The following PRDM15 variants were observed in gnomAD, a reference collection of about 807,000 sequenced individuals.
The protein encoded by PRDM15 is PR domain zinc finger protein 15.
Under a neutral mutation model 128.6 loss-of-function variants are expected in PRDM15, and 64 were observed. The observed-to-expected ratio is 0.50, with a 90% CI of 0.41 to 0.61. The LOEUF is 0.61. Among genes scored for constraint, PRDM15 ranks in the 20% least tolerant of loss-of-function variants. The pLI is 0.00. For synonymous variants in PRDM15, 615 were observed against 621.8 expected (o/e 0.99, Z 0.16); for missense variants, 1,242 against 1,569.1 (o/e 0.79, Z 3.52).
intron 18 of PRDM15, 83 bp downstream of exon 18, chr21:41,819,499 G>T: frequency 1.6e-6 from 1 of 639,356 alleles, no homozygotes; most frequent in Non-Finnish European, 2.3e-6. Context: ...CACACTCCCA[G>T]TTCTCGCTCA....
rs751836847 is a variant in PRDM15 at position 41,801,321 on chromosome 21, C to T, written c.3345G>A (p.Ser1115=). 14 of 1,579,590 alleles carry T rather than the reference C, an allele frequency of 8.9e-6. No individual in the cohort carries two copies. Among genetic ancestry groups the T allele is most frequent in the African/African-American group, 1.3e-5 (1 of 74,208 alleles). The part of the protein sequence containing the change: ...AVPQTDVLPP[S]QPQAPPQQAA... Reference sequence around the variant, plus strand: ...CCTGCTGTGGGGGTGCCTGCGGCTGCGAGGGTGGCAAGACGTCAGTCTGGG... The same window carrying T: ...CCTGCTGTGGGGGTGCCTGCGGCTGTGAGGGTGGCAAGACGTCAGTCTGGG... Residue 1115 remains serine, a synonymous_variant, in exon 24 of 24, where the codon TCG becomes TCA. Coordinates refer to ENST00000398548, the MANE Select transcript of PRDM15 (RefSeq NM_001040424.3).
At chr21:41,829,957 C>T (rs1309452414) in intron 11 of PRDM15, among the ~76,000 whole-genome samples, 18 of 150,554 alleles carry the variant, frequency 1.2e-4, no homozygotes, top group African/African-American at 4.4e-4. Flanking sequence ...TACACAAATA[C>T]ACAGTCAACA....
rs2062289134 is a variant in PRDM15 at position 41,821,978 on chromosome 21, G to A, written c.1821C>T (p.Ser607=). The A allele has an allele frequency of 6.2e-7, 1 of 1,614,094 alleles. No homozygotes were observed. Among genetic ancestry groups the A allele is most frequent in the South Asian group, 1.1e-5 (1 of 91,092 alleles). The change falls in exon 15 of 24, where the codon TCC becomes TCT. Residue 607 remains serine (S), a synonymous_variant. Coordinates refer to ENST00000398548, the MANE Select transcript of PRDM15 (RefSeq NM_001040424.3). This position sits in a 1 kb window ranked among gnomAD's most constrained non-coding sequence, Gnocchi z 5.4. The part of the protein sequence containing the change: ...REEFIGKIGI[S]SEENDDNSDE... Reference sequence around the variant, plus strand: ...CAGAATTGTCATCGTTTTCTTCCGAGGAGATCCCGATCTTGCCGATAAACT... The same window carrying A: ...CAGAATTGTCATCGTTTTCTTCCGAAGAGATCCCGATCTTGCCGATAAACT...
intron 5 of PRDM15, 45 bp from the exon 6 acceptor site, chr21:41,847,236 C>T (rs1333721757): frequency 7.5e-7 from 1 of 1,332,126 alleles, no homozygotes; most frequent in Admixed American, 2.2e-5. Flanking sequence ...CCAAGCAGCT[C>T]ATATGTCTCC....
In PRDM15 at chr21:41,828,835, G is replaced by A. The variant is rs575738778; in HGVS notation, c.1367-502C>T. Among the ~76,000 whole-genome samples, 3 of 151,946 alleles carry A rather than the reference G, an allele frequency of 2.0e-5. No homozygotes were observed. The highest frequency in any genetic ancestry group is 6.6e-5 in the Admixed American group (1 of 15,254). On this transcript the variant is annotated intron_variant, in intron 11 of 23. Transcript: ENST00000398548. The surrounding 1 kb of genome is among the most constrained non-coding windows in gnomAD (Gnocchi z 5.7). ...CCCTCCCAACTCCTTCCCCGTGGGC[G>A]GGCATCAATGTGCCCATATTCCCCC... is the stretch of plus-strand genomic sequence containing the variant.
intron 1 of PRDM15, chr21:41,878,582 G>T: frequency 1.9e-6 from 1 of 526,994 alleles, no homozygotes; most frequent in Non-Finnish European, 3.1e-6. Context: ...GTCCCCGAAC[G>T]GCCACCCACC....
intron 1 of PRDM15, chr21:41,871,781 G>A: frequency 1.3e-6 from 1 of 756,148 alleles, no homozygotes; most frequent in Non-Finnish European, 2.1e-6. Context: ...CTCCAGACCT[G>A]CTGCGTTTCA....
intron 5 of PRDM15, among the ~76,000 whole-genome samples, chr21:41,847,503 C>A (rs1409132677): frequency 6.6e-6 from 1 of 152,188 alleles, no homozygotes; most frequent in African/African-American, 2.4e-5. Flanking sequence ...CCAGGCTCAT[C>A]CCTTATATGA....
intron 18 of PRDM15, among the ~76,000 whole-genome samples, chr21:41,818,902 C>G (rs1403762322): frequency 6.6e-6 from 1 of 152,188 alleles, no homozygotes; most frequent in Non-Finnish European, 1.5e-5. Flanking sequence ...TCTGTCGTTA[C>G]AATGAAGATT....
At chr21:41,819,541 C>G (rs369583206) in intron 18 of PRDM15, 41 bp downstream of exon 18, 71 of 1,504,192 alleles carry the variant, frequency 4.7e-5, no homozygotes, top group Non-Finnish European at 5.9e-5. Context: ...AGCAGGGTGG[C>G]CTGGCTGAGC....
In PRDM15 at chr21:41,859,504, C is replaced by A; in HGVS notation, c.131+88G>T. On this transcript the variant is annotated intron_variant, in intron 3 of 23. Coordinates refer to ENST00000398548, the MANE Select transcript of PRDM15 (RefSeq NM_001040424.3). This position sits in a 1 kb window ranked among gnomAD's most constrained non-coding sequence, Gnocchi z 5.3. ...AGTGCCTCTGTTCTCCCTCAGGCTC[C>A]TTCCTCCCCGTCTGCAGACCCAAAG... 9.3e-7 allele frequency: 1 copy of A among 1,070,972 alleles called. No homozygotes were observed. The highest frequency in any genetic ancestry group is 1.4e-6 in the Non-Finnish European group (1 of 724,110). The allele number at this position is 1,070,972 out of a possible 1,614,324, so 66.3% of individuals were successfully genotyped here. A position where few individuals can be genotyped will look rare whatever the true frequency, so the allele number is the denominator to read the frequency against.
At position 41,810,965 on chromosome 21, in the gene PRDM15, A is replaced by C. The variant is rs1308750182; in HGVS notation, c.2393-129T>G. On this transcript the variant is annotated intron_variant, in intron 19 of 23. Coordinates refer to ENST00000398548, the MANE Select transcript of PRDM15 (RefSeq NM_001040424.3). The surrounding 1 kb of genome is among the most constrained non-coding windows in gnomAD (Gnocchi z 6.4). Reference sequence around the variant, plus strand: ...AGGAGAAGGTGAATTGCAAGAAGACAGCAGACAATGAACGCTCATCCCCAG... The same window carrying C: ...AGGAGAAGGTGAATTGCAAGAAGACCGCAGACAATGAACGCTCATCCCCAG... 1 of 766,384 alleles carries C rather than the reference A, an allele frequency of 1.3e-6. No individual in the cohort carries two copies. Among genetic ancestry groups the C allele is most frequent in the Admixed American group, 2.1e-5 (1 of 47,622 alleles). 47.5% of individuals were successfully genotyped at this position (766,384 alleles called of 1,614,324 possible).
In PRDM15 at chr21:41,876,468, C is replaced by T. The variant is rs78606660; in HGVS notation, c.-10+2802G>A. On this transcript the variant is annotated intron_variant, in intron 1 of 23. Transcript: ENST00000398548. ...TCATCAAAGATCAACTTGTCATCAA[C>T]GATCACCATGAACACCGCTGGTGTA... 1.6e-4 allele frequency among the ~76,000 whole-genome samples: 24 copies of T among 152,282 alleles called. No homozygotes were observed. In the East Asian group the frequency reaches 2.3e-3, roughly 15 times the overall value.
chr21:41,815,759 G>A lies in PRDM15; in HGVS notation c.2338C>T (p.His780Tyr). The A allele has an allele frequency of 6.2e-7, 1 of 1,614,114 alleles. No homozygotes were observed. The highest frequency in any genetic ancestry group is 8.5e-7 in the Non-Finnish European group (1 of 1,179,972). ...GIKEYECKEC[H>Y]RRFAQKVNML... is the part of the protein sequence containing the mutation. Reference sequence around the variant, plus strand: ...TTGACCTTCTGCGCGAACCTGCGGTGGCACTCCTTGCACTCGTACTCCTTG... The same window carrying A: ...TTGACCTTCTGCGCGAACCTGCGGTAGCACTCCTTGCACTCGTACTCCTTG... The change falls in exon 19 of 24, where the codon CAC (histidine) becomes TAC (tyrosine). Residue 780 changes from histidine to tyrosine, a missense_variant. This residue lies in a region of PRDM15 where 602 missense variants were observed against 788.3 expected (regional missense o/e 0.76). Coordinates refer to ENST00000398548, the MANE Select transcript of PRDM15 (RefSeq NM_001040424.3).
At chr21:41,869,255 C>G (rs2064127113) in intron 1 of PRDM15, among the ~76,000 whole-genome samples, 1 of 152,028 alleles carries the variant, frequency 6.6e-6, no homozygotes, top group Admixed American at 6.6e-5. Context: ...TCACCAAGCC[C>G]AAGGTTCCAA....
chr21:41,801,566 A>AGGG lies in PRDM15; in HGVS notation c.3099_3100insCCC (p.Gln1033_Leu1034insPro). Reference sequence around the variant, plus strand: ...GTCAGGATTGAGTTGTCCAGCTGTAACTGGCGTTCAGGGGTGGTAAGGTGC... The same window carrying AGGG: ...GTCAGGATTGAGTTGTCCAGCTGTAAGGGCTGGCGTTCAGGGGTGGTAAGGTGC... On this transcript the variant is annotated inframe_insertion, in exon 24 of 24. Transcript: ENST00000398548. The AGGG allele has an allele frequency of 6.2e-7, 1 of 1,614,176 alleles. No individual in the cohort carries two copies. Among genetic ancestry groups the AGGG allele is most frequent in the Non-Finnish European group, 8.5e-7 (1 of 1,180,034 alleles).
chr21:41,836,555 C>G lies in PRDM15; in HGVS notation c.1096G>C (p.Gly366Arg), dbSNP rs781632486. ...CACTGGTAAACCCGCTTGTGCTCCCCGAGCTGTTTGATGAGCTTGCGCCGG... is the reference window on the plus strand; with the variant it reads ...CACTGGTAAACCCGCTTGTGCTCCCGGAGCTGTTTGATGAGCTTGCGCCGG... ...GIRRKLIKQLGEHKRVYQCNI... is the reference protein window; with the variant it reads ...GIRRKLIKQLREHKRVYQCNI... Residue 366 changes from glycine to arginine, a missense_variant, in exon 9 of 24, where the codon GGG becomes CGG. Gly to Arg is a moderately radical substitution (Grantham distance 125, BLOSUM62 -2). Around this residue, in one of 3 missense-constraint regions of PRDM15, gnomAD observed 612 missense variants for 717.0 expected, o/e 0.85. Coordinates refer to ENST00000398548, the MANE Select transcript of PRDM15 (RefSeq NM_001040424.3). 1.9e-5 allele frequency: 30 copies of G among 1,613,252 alleles called. No homozygotes were observed. Among genetic ancestry groups the G allele is most frequent in the East Asian group, 2.2e-5 (1 of 44,802 alleles).
At chr21:41,851,128 C>CT (rs2063416064) in intron 5 of PRDM15, among the ~76,000 whole-genome samples, 1 of 6,898 alleles carries the variant, frequency 1.4e-4, no homozygotes, top group African/African-American at 7.7e-4. Flanking sequence ...TACAACAATG[C>CT]ACAAAAGGCC....
rs904233278 is a variant in PRDM15, at chr21:41,803,241, C to G, written c.2734-320G>C. 1.9e-5 allele frequency: 7 copies of G among 373,896 alleles called. No individual in the cohort carries two copies. In the East Asian group the frequency reaches 4.1e-4, roughly 22 times the overall value. The allele number at this position is 373,896 out of a possible 1,614,324, so 23.2% of individuals were successfully genotyped here. A position where few individuals can be genotyped will look rare whatever the true frequency, so the allele number is the denominator to read the frequency against. On this transcript the variant is annotated intron_variant, in intron 22 of 23. Transcript: ENST00000398548. ...TATTTCCAAAGGGAAATGTTTCTGC[C>G]CGGGTGAGCTGCTAGAGCAAGGCTG... is the stretch of plus-strand genomic sequence containing the variant.
Sources: gnomAD v4.1 joint callset for allele counts (sites outside exome capture counted in the v4.1 genomes callset) on GRCh38, gnomAD v4.1.1 for gene constraint, gnomAD v4.1.1 regional missense constraint, Gnocchi (gnomAD v3.1) non-coding constraint, MANE v1.5 for transcripts, NCBI Gene and HGNC (gene_info 2026-07-23, HGNC 2026-07-21) for gene names.